The following LRP1B variants were observed in gnomAD, a reference collection of about 807,000 sequenced individuals.
The protein encoded by LRP1B is LDL receptor related protein 1B.
LRP1B carries 217 observed loss-of-function variants against 556.6 expected under a neutral mutation model. The observed-to-expected ratio is 0.39, with a 90% CI of 0.35 to 0.44. The LOEUF (loss-of-function observed/expected upper bound fraction) is 0.44, where lower values mean the gene tolerates loss of function less well. LRP1B is among the 20% of genes least tolerant of loss of function. The pLI is 1.00. For synonymous variants in LRP1B, 2,047 were observed against 1,865.8 expected (o/e 1.10, Z -2.50); for missense variants, 5,053 against 5,620.8 (o/e 0.90, Z 3.23).
chr2:140,271,778 C>T (rs571542483), intron 85 of LRP1B, among the ~76,000 whole-genome samples: 30 of 151,750 alleles, frequency 2.0e-4, no homozygotes, highest in Non-Finnish European at 3.5e-4. Flanking sequence ...ATAGAGGCAC[C>T]CTAATATGGA....
chr2:140,255,648 T>C (rs774422459), intron 86 of LRP1B, among the ~76,000 whole-genome samples: 1 of 152,160 alleles, frequency 6.6e-6, no homozygotes, highest in African/African-American at 2.4e-5. Flanking sequence ...TACTTGCTGT[T>C]TGACAAATGA....
intron 1 of LRP1B, among the ~76,000 whole-genome samples, chr2:141,959,090 A>G (rs1250674853): frequency 6.6e-6 from 1 of 151,942 alleles, no homozygotes; most frequent in Non-Finnish European, 1.5e-5. Context: ...CCTTTTTAAA[A>G]TTTCTACATT....
At chr2:140,710,620 A>G (rs931288683) in intron 37 of LRP1B, among the ~76,000 whole-genome samples, 1 of 152,058 alleles carries the variant, frequency 6.6e-6, no homozygotes, top group African/African-American at 2.4e-5. Context: ...GAGAATAAAG[A>G]GAATAAAATA....
chr2:140,495,234 C>T (rs1688867380), intron 56 of LRP1B, among the ~76,000 whole-genome samples: 1 of 151,286 alleles, frequency 6.6e-6, no homozygotes, highest in South Asian at 2.1e-4. Flanking sequence ...AATAATGTCA[C>T]AATAGTCTCT....
intron 26 of LRP1B, 121 bp from the exon 27 acceptor site, chr2:140,867,955 A>G (rs1693002214): frequency 7.7e-7 from 1 of 1,299,748 alleles, no homozygotes; most frequent in Non-Finnish European, 1.0e-6. Flanking sequence ...ATGGGTCTGT[A>G]TCTGATTTGG....
At chr2:141,982,240 G>A (rs1288742580) in intron 1 of LRP1B, among the ~76,000 whole-genome samples, 1 of 152,140 alleles carries the variant, frequency 6.6e-6, no homozygotes, top group Non-Finnish European at 1.5e-5. Flanking sequence ...ATGGCTGACT[G>A]ATATCTAAAC....
chr2:140,816,332 G>A (rs1174067755), intron 31 of LRP1B, among the ~76,000 whole-genome samples: 1 of 151,850 alleles, frequency 6.6e-6, no homozygotes, highest in Non-Finnish European at 1.5e-5. Flanking sequence ...TGGCCAGGAT[G>A]GTCTCGATCT....
intron 41 of LRP1B, among the ~76,000 whole-genome samples, chr2:140,638,717 G>C (rs1164406417): frequency 2.0e-5 from 3 of 151,774 alleles, no homozygotes. Flanking sequence ...ACTCTACAAG[G>C]CATGGGTAAA....
intron 6 of LRP1B, among the ~76,000 whole-genome samples, chr2:141,192,097 A>T (rs887461730): frequency 3.3e-5 from 5 of 151,920 alleles, no homozygotes; most frequent in African/African-American, 1.2e-4. Flanking sequence ...AACACTTAGT[A>T]ACTATGGGGA....
intron 2 of LRP1B, among the ~76,000 whole-genome samples, chr2:141,519,842 A>G (rs1559118461): frequency 6.6e-6 from 1 of 152,174 alleles, no homozygotes; most frequent in Non-Finnish European, 1.5e-5. Context: ...TAGGATCAGC[A>G]GTGGAATATG....
intron 6 of LRP1B, among the ~76,000 whole-genome samples, chr2:141,228,448 GAGA>G (rs1250396099): frequency 6.7e-6 from 1 of 149,688 alleles, no homozygotes; most frequent in East Asian, 2.0e-4. Flanking sequence ...AGCAGGGAGA[GAGA>G]AGGAGAGAGA....
intron 60 of LRP1B, among the ~76,000 whole-genome samples, chr2:140,463,243 T>C (rs1050927603): frequency 2.0e-5 from 3 of 151,844 alleles, no homozygotes; most frequent in African/African-American, 7.3e-5. Flanking sequence ...GGTGGGAAAA[T>C]GGCCAGGGTA....
rs370405973 is a variant in LRP1B, at chr2:141,370,491, A to G, written c.343+109905T>C. Among the ~76,000 whole-genome samples, 4 of 151,762 alleles carry G rather than the reference A, an allele frequency of 2.6e-5. No homozygotes were observed. The East Asian group carries it at 7.8e-4, about 29-fold the overall frequency. On this transcript the variant is annotated intron_variant, in intron 3 of 90. Coordinates refer to ENST00000389484, the MANE Select transcript of LRP1B (RefSeq NM_018557.3). ...TCATGTCAGCCTACTTTTCAATGGG[A>G]TTATTTGGGGTTGTTTTTTGTTGAG...
At chr2:142,048,541 CT>C (rs1559042403) in intron 1 of LRP1B, among the ~76,000 whole-genome samples, 2 of 151,910 alleles carry the variant, frequency 1.3e-5, no homozygotes, top group African/African-American at 2.4e-5. Context: ...AGCAAATAGG[CT>C]TTTTTGTCCA....
At chr2:140,329,690 G>T (rs1321419439) in intron 79 of LRP1B, among the ~76,000 whole-genome samples, 1 of 151,798 alleles carries the variant, frequency 6.6e-6, no homozygotes, top group African/African-American at 2.4e-5. Context: ...GCTAACAAGG[G>T]AGGTGAAGGA....
At chr2:141,315,522 G>A (rs1489825944) in intron 3 of LRP1B, among the ~76,000 whole-genome samples, 1 of 151,808 alleles carries the variant, frequency 6.6e-6, no homozygotes, top group African/African-American at 2.4e-5. Flanking sequence ...GCCTCCCAAA[G>A]TGCTGGGATT....
intron 1 of LRP1B, among the ~76,000 whole-genome samples, chr2:142,095,358 G>A (rs989447057): frequency 1.3e-5 from 2 of 151,678 alleles, no homozygotes; most frequent in Non-Finnish European, 3.0e-5. Context: ...TGATTTCAAG[G>A]GAGTAAGTAG....
At chr2:141,476,557 C>A (rs145594445) in intron 3 of LRP1B, among the ~76,000 whole-genome samples, 1,592 of 152,116 alleles carry the variant, frequency 0.01, 26 homozygotes, top group African/African-American at 0.035. Flanking sequence ...GCAAGTACCC[C>A]CATATACAAA....
chr2:140,743,012 G>T (rs1334339367), intron 35 of LRP1B, among the ~76,000 whole-genome samples: 3 of 151,884 alleles, frequency 2.0e-5, no homozygotes, highest in African/African-American at 7.3e-5. Context: ...ATAAGACAAA[G>T]ATTTTTTTTT....
Sources: allele counts gnomAD v4.1 joint callset (sites outside exome capture counted in the v4.1 genomes callset), GRCh38; gene constraint gnomAD v4.1.1; transcripts MANE v1.5; gene names NCBI Gene and HGNC (gene_info 2026-07-23, HGNC 2026-07-21).